The following CELF2 variants were observed in gnomAD, a reference collection of about 807,000 sequenced individuals.
CELF2 encodes the protein CUGBP Elav-like family member 2.
CELF2 carries 8 observed loss-of-function variants against 62.6 expected under a neutral mutation model. The observed-to-expected ratio is 0.13, with a 90% CI of 0.07 to 0.23. CELF2 has a LOEUF of 0.23. CELF2 is among the 10% of genes least tolerant of loss of function. The pLI is 1.00. For missense variants in CELF2, 333 were observed against 671.0 expected, an observed-to-expected ratio of 0.50 and a Z score of 5.56; for synonymous variants, 258 against 250.0, an observed-to-expected ratio of 1.03 and a Z score of -0.30.
chr10:10,818,919 C>G (rs2056732703), intron 1 of CELF2, among the ~76,000 whole-genome samples: 1 of 152,170 alleles, frequency 6.6e-6, no homozygotes, highest in African/African-American at 2.4e-5. Flanking sequence ...GTCTGAGCCA[C>G]TCTTACCTGG....
chr10:10,580,121 C>A, the CELF2 span, among the ~76,000 whole-genome samples: 1 of 151,982 alleles, frequency 6.6e-6, no homozygotes, highest in African/African-American at 2.4e-5. Flanking sequence ...TAATATATTA[C>A]AAAATATGTT....
the CELF2 span, among the ~76,000 whole-genome samples, chr10:10,599,110 G>A: frequency 3.3e-5 from 5 of 151,962 alleles, no homozygotes; most frequent in Non-Finnish European, 7.4e-5. Flanking sequence ...CTTCCCTCAT[G>A]CCCAATTTGG....
chr10:11,144,738 A>G (rs974619227), intron 1 of CELF2, among the ~76,000 whole-genome samples: 9 of 151,878 alleles, frequency 5.9e-5, no homozygotes, highest in African/African-American at 1.9e-4. Flanking sequence ...ACAAAACATA[A>G]AAAATCAGCC....
At chr10:10,929,111 G>T (rs2065823150) in intron 2 of CELF2, among the ~76,000 whole-genome samples, 1 of 152,110 alleles carries the variant, frequency 6.6e-6, no homozygotes, top group Non-Finnish European at 1.5e-5. Context: ...CTGCTCCGTA[G>T]ACTTGGGCAC....
intron 1 of CELF2, among the ~76,000 whole-genome samples, chr10:11,111,383 G>A (rs1357568566): frequency 2.6e-5 from 4 of 152,162 alleles, no homozygotes; most frequent in Non-Finnish European, 5.9e-5. Flanking sequence ...TTACTGATAA[G>A]TGTTTGTCAG....
At chr10:11,266,737 C>A in intron 6 of CELF2, 60 bp downstream of exon 6, 1 of 1,340,252 alleles carries the variant, frequency 7.5e-7, no homozygotes, top group Non-Finnish European at 1.1e-6. Flanking sequence ...AATGGTAAAG[C>A]AATTCTCTCC....
At chr10:10,536,735 G>T in the CELF2 span, among the ~76,000 whole-genome samples, 1 of 152,230 alleles carries the variant, frequency 6.6e-6, no homozygotes, top group Non-Finnish European at 1.5e-5. Flanking sequence ...TTAACAGAGA[G>T]AATTTAATAC....
the CELF2 span, among the ~76,000 whole-genome samples, chr10:10,546,433 A>G: frequency 6.6e-6 from 1 of 152,200 alleles, no homozygotes; most frequent in South Asian, 2.1e-4. Context: ...TCCGGGAGAC[A>G]GTTTTCATGG....
the CELF2 span, among the ~76,000 whole-genome samples, chr10:10,705,279 A>T: frequency 6.6e-6 from 1 of 150,842 alleles, no homozygotes; most frequent in Non-Finnish European, 1.5e-5. Flanking sequence ...CACAAAATAA[A>T]TTTGTGAAGC....
intron 1 of CELF2, among the ~76,000 whole-genome samples, chr10:11,081,926 AT>A (rs1268508539): frequency 6.6e-6 from 1 of 152,232 alleles, no homozygotes; most frequent in Non-Finnish European, 1.5e-5. Flanking sequence ...CTCATGGAGA[AT>A]CAAATAAAAC....
At chr10:10,553,534 CT>C in the CELF2 span, among the ~76,000 whole-genome samples, 7 of 152,220 alleles carry the variant, frequency 4.6e-5, no homozygotes, top group African/African-American at 1.7e-4. Context: ...TCCACAGCAC[CT>C]TATATGCCAG....
At chr10:10,629,186 A>T in the CELF2 span, among the ~76,000 whole-genome samples, 1 of 152,104 alleles carries the variant, frequency 6.6e-6, no homozygotes, top group Non-Finnish European at 1.5e-5. Flanking sequence ...TTTTTCCATA[A>T]TAAAACATCA....
At chr10:11,142,922 T>G (rs145628943) in intron 1 of CELF2, among the ~76,000 whole-genome samples, 7,604 of 136,722 alleles carry the variant, frequency 0.056, 254 homozygotes, top group African/African-American at 0.085. Context: ...TCCACTGGGG[T>G]TACTCAGTCC....
chr10:10,815,012 A>C (rs896259218), intron 1 of CELF2, among the ~76,000 whole-genome samples: 3 of 152,188 alleles, frequency 2.0e-5, no homozygotes, highest in African/African-American at 2.4e-5. Context: ...CAATTACTAA[A>C]TTGAAAGTGT....
chr10:11,187,762 T>A (rs1311430151), intron 2 of CELF2, among the ~76,000 whole-genome samples: 1 of 149,412 alleles, frequency 6.7e-6, no homozygotes, highest in Non-Finnish European at 1.5e-5. Flanking sequence ...CTTCCATTTC[T>A]CCCTTCGCAG....
Position 11,046,704 on chromosome 10 carries a change from G to A in CELF2, c.74+28541G>A, listed in dbSNP as rs755495421. 6.6e-5 allele frequency among the ~76,000 whole-genome samples: 10 copies of A among 152,156 alleles called. No individual in the cohort carries two copies. The highest frequency in any genetic ancestry group is 1.3e-4 in the Admixed American group (2 of 15,286). On this transcript the variant is annotated intron_variant, in intron 1 of 12. Coordinates refer to ENST00000633077, the MANE Select transcript of CELF2 (RefSeq NM_001326342.2). The surrounding 1 kb of genome is among the most constrained non-coding windows in gnomAD (Gnocchi z 4.6). ...GAACCCTCAGGACCCATACAGGAAT[G>A]AGGATTCTCATACCTCCCAAAGAGT...
chr10:10,494,082 T>C, the CELF2 span, among the ~76,000 whole-genome samples: 1 of 152,214 alleles, frequency 6.6e-6, no homozygotes, highest in Non-Finnish European at 1.5e-5. Flanking sequence ...CAAGAGAGGC[T>C]GACTGCCTCC....
At chr10:11,259,147 T>C (rs1248246921) in intron 5 of CELF2, among the ~76,000 whole-genome samples, 1 of 152,210 alleles carries the variant, frequency 6.6e-6, no homozygotes, top group Non-Finnish European at 1.5e-5. Flanking sequence ...CCAAACCACA[T>C]GTTGAAAGAA....
At position 11,231,706 on chromosome 10, in the gene CELF2, T is replaced by C. The variant is rs530815063; in HGVS notation, c.354+14199T>C. On this transcript the variant is annotated intron_variant, in intron 3 of 12. Transcript: ENST00000633077. Reference sequence around the variant, plus strand: ...GGTTGCTTTCTTTTTTTTTTTTTTTTCCCAAAAAGGCAAGAAACGTTTAGT... The same window carrying C: ...GGTTGCTTTCTTTTTTTTTTTTTTTCCCCAAAAAGGCAAGAAACGTTTAGT... 1.0e-3 allele frequency among the ~76,000 whole-genome samples: 152 copies of C among 146,942 alleles called. 1 individual carries two copies. Among genetic ancestry groups the C allele is most frequent in the South Asian group, 8.0e-3 (37 of 4,598 alleles).
Sources: allele counts gnomAD v4.1 joint callset (sites outside exome capture counted in the v4.1 genomes callset), GRCh38; gene constraint gnomAD v4.1.1; non-coding constraint Gnocchi (gnomAD v3.1); transcripts MANE v1.5; gene names NCBI Gene and HGNC (gene_info 2026-07-23, HGNC 2026-07-21).